Variants in EML2 observed in about 807,000 individuals in gnomAD.
EML2 encodes echinoderm microtubule-associated protein-like 2.
In EML2, 59 loss-of-function variants were observed where a neutral mutation model predicts 84.7. The observed-to-expected ratio is 0.70, with a 90% CI of 0.56 to 0.86. The LOEUF is 0.86. Among genes scored for constraint, EML2 ranks in the 40% least tolerant of loss-of-function variants. The probability of loss-of-function intolerance (pLI) is 0.00; values close to 1 mark genes in which losing one functional copy is unlikely to be tolerated. For synonymous variants in EML2, 352 were observed against 348.9 expected (o/e 1.01, Z -0.10); for missense variants, 818 against 855.6 (o/e 0.96, Z 0.55).
intron 9 of EML2, 133 bp downstream of exon 9, chr19:45,624,586 A>G: frequency 4.5e-6 from 3 of 668,074 alleles, no homozygotes; most frequent in South Asian, 3.8e-5. Context: ...CTTGAGCTGA[A>G]CCTTGACGAG....
intron 3 of EML2, among the ~76,000 whole-genome samples, chr19:45,635,772 A>G (rs951245915): frequency 1.3e-5 from 2 of 150,310 alleles, no homozygotes; most frequent in Admixed American, 6.6e-5. Flanking sequence ...TTGTATTTTT[A>G]GTAGAGAAAG....
rs567066656 is a variant in EML2, at chr19:45,639,380, G to A, written c.-4C>T. The A allele has an allele frequency of 2.4e-6, 3 of 1,262,698 alleles. No individual in the cohort carries two copies. Among genetic ancestry groups the A allele is most frequent in the Non-Finnish European group, 3.0e-6 (3 of 996,060 alleles). The allele number at this position is 1,262,698 out of a possible 1,614,324, so 78.2% of individuals were successfully genotyped here. On this transcript the variant is annotated 5_prime_UTR_variant, in exon 1 of 19. Transcript: ENST00000245925. ...ACCCAGCTCCAAAGCTACTCATGGC[G>A]GCGGGTGGCGGAGCTTCGGGGCCGG...
chr19:45,639,854 C>T (rs1267217434), upstream of EML2, among the ~76,000 whole-genome samples: 1 of 152,024 alleles, frequency 6.6e-6, no homozygotes. Flanking sequence ...CTTAGCCTGG[C>T]GTGGTGGCTG....
chr19:45,632,175 G>C (rs915881162), intron 6 of EML2, among the ~76,000 whole-genome samples: 5 of 138,098 alleles, frequency 3.6e-5, no homozygotes, highest in African/African-American at 1.4e-4. Flanking sequence ...TTACAGGCGT[G>C]AGCCACTGCA....
Position 45,621,558 on chromosome 19 carries a change from C to T in EML2, c.921G>A (p.Thr307=), listed in dbSNP as rs140309012. 3.5e-5 allele frequency: 56 copies of T among 1,612,852 alleles called. No individual in the cohort carries two copies. Among genetic ancestry groups the T allele is most frequent in the Non-Finnish European group, 4.3e-5 (51 of 1,179,950 alleles). ...GATCACGGCCCCCTCCAGACACCAG[C>T]GTCCCGTCCCGCAGGGCGCAGAGCC... ...VFGLCALRDG[T]LVSGGGRDRR... Residue 307 remains threonine (T), a synonymous_variant, in exon 10 of 19, where the codon ACG becomes ACA. Transcript: ENST00000245925.
chr19:45,621,453 C>A (rs532912167), intron 10 of EML2, 30 bp downstream of exon 10: 2 of 1,600,692 alleles, frequency 1.2e-6, no homozygotes, highest in South Asian at 2.2e-5. Flanking sequence ...GGCCTCTCTA[C>A]CCCCATCTGA....
At position 45,616,758 on chromosome 19, in the gene EML2, C is replaced by G. The variant is rs540793608; in HGVS notation, c.1411+7G>C. The G allele has an allele frequency of 1.6e-5, 26 of 1,611,614 alleles. No individual in the cohort carries two copies. The South Asian group carries it at 2.8e-4, about 17-fold the overall frequency. ...TGCCGCTTGGGTGTCCCAGGCCTGC[C>G]GCTTACCTGGGGAGAAGCTGACCAC... On this transcript the variant is annotated splice_region_variant and intron_variant, in intron 14 of 18. Transcript: ENST00000245925.
At chr19:45,621,690 C>T (rs1406933928) in intron 9 of EML2, 53 bp from the exon 10 acceptor site, 2 of 1,556,748 alleles carry the variant, frequency 1.3e-6, no homozygotes, top group South Asian at 2.3e-5. Flanking sequence ...CCTATGCTGA[C>T]CCCTGAAAGC....
chr19:45,618,516 C>A (rs1971337949), intron 12 of EML2, among the ~76,000 whole-genome samples: 1 of 152,120 alleles, frequency 6.6e-6, no homozygotes, highest in Non-Finnish European at 1.5e-5. Context: ...TGACTCCCCC[C>A]TCCTCATGGC....
At chr19:45,615,154 T>G (rs920581444) in intron 16 of EML2, 1 of 159,794 alleles carries the variant, frequency 6.3e-6, no homozygotes, top group Non-Finnish European at 1.4e-5. Context: ...CTGGTCAACA[T>G]GGCGAAACCC....
rs1972391827 is a variant in EML2, at chr19:45,626,813, G to A, written c.633C>T (p.Ala211=). ...CAGTGGGGTCCGTGGGGTGGAAGGT[G>A]GCCACCAATACAGCCTCATTGGAGC... ...VKCSNEAVLV[A]TFHPTDPTVL... Residue 211 remains alanine, a synonymous_variant, in exon 8 of 19, where the codon GCC becomes GCT. Coordinates refer to ENST00000245925, the MANE Select transcript of EML2 (RefSeq NM_012155.4). 3 of 1,613,760 alleles carry A rather than the reference G, an allele frequency of 1.9e-6. No individual in the cohort carries two copies. Among genetic ancestry groups the A allele is most frequent in the Non-Finnish European group, 2.5e-6 (3 of 1,179,896 alleles).
At chr19:45,620,907 G>A (rs1300378414) in intron 11 of EML2, 1 of 482,862 alleles carries the variant, frequency 2.1e-6, no homozygotes, top group Non-Finnish European at 4.0e-6. Context: ...TGTGTGGCCA[G>A]GGTGTCTGCA....
intron 13 of EML2, among the ~76,000 whole-genome samples, 166 bp from the exon 14 acceptor site, chr19:45,617,019 G>C (rs1441793713): frequency 6.6e-6 from 1 of 152,184 alleles, no homozygotes; most frequent in Non-Finnish European, 1.5e-5. Flanking sequence ...GCCGAGGCGG[G>C]TGGATCACTT....
Position 45,630,145 on chromosome 19 carries a change from A to T in EML2, c.511-99T>A, listed in dbSNP as rs902127564. The T allele has an allele frequency of 3.5e-6, 3 of 856,324 alleles. 1 individual carries two copies. The South Asian group carries it at 4.3e-5, about 12-fold the overall frequency. The allele number at this position is 856,324 out of a possible 1,614,324, so 53.0% of individuals were successfully genotyped here. ...GCATTCACCACACAGGCCTGTTTTAAAACCTTCAGGCTGGGCACAGTAGGT... is the reference window on the plus strand; with the variant it reads ...GCATTCACCACACAGGCCTGTTTTATAACCTTCAGGCTGGGCACAGTAGGT... On this transcript the variant is annotated intron_variant, in intron 6 of 18. Transcript: ENST00000245925.
chr19:45,630,121 C>T, intron 6 of EML2, 75 bp from the exon 7 acceptor site: 2 of 1,056,000 alleles, frequency 1.9e-6, no homozygotes, highest in South Asian at 1.3e-5. Flanking sequence ...CCCACCAAGG[C>T]ATTCACCACA....
At chr19:45,645,558 A>C, upstream of EML2, 9 of 989,058 alleles carry the variant, frequency 9.1e-6, no homozygotes, top group Non-Finnish European at 1.3e-5. Context: ...CCCCCAACAC[A>C]ATCCTAGGGC....
chr19:45,621,403 A>G, intron 10 of EML2, 71 bp from the exon 11 acceptor site: 1 of 1,572,560 alleles, frequency 6.4e-7, no homozygotes, highest in Non-Finnish European at 8.6e-7. Context: ...TACTGTGGGG[A>G]GGAGGGTCTG....
chr19:45,645,617 A>G (rs1478552095), upstream of EML2: 5 of 586,656 alleles, frequency 8.5e-6, no homozygotes, highest in Non-Finnish European at 1.4e-5. Flanking sequence ...GGTCCCGCCC[A>G]CAACCGGAGT....
rs749240177 is a variant in EML2, at chr19:45,626,732, G to A, written c.714C>T (p.Ser238=). The A allele has an allele frequency of 4.3e-6, 7 of 1,613,714 alleles. No homozygotes were observed. Among genetic ancestry groups the A allele is most frequent in the Non-Finnish European group, 5.1e-6 (6 of 1,179,878 alleles). The change falls in exon 8 of 19, where the codon AGC becomes AGT. Residue 238 remains serine, a synonymous_variant. Coordinates refer to ENST00000245925, the MANE Select transcript of EML2 (RefSeq NM_012155.4). ...CAAAGAGGCCTTGCCGCTTGCTCAAGCTGCCCCCCTCCAAGGTCCAGAAGT... is the reference window on the plus strand; with the variant it reads ...CAAAGAGGCCTTGCCGCTTGCTCAAACTGCCCCCCTCCAAGGTCCAGAAGT... The part of the protein sequence containing the change: ...HIYFWTLEGG[S]LSKRQGLFEK...
Sources: allele counts gnomAD v4.1 joint callset (sites outside exome capture counted in the v4.1 genomes callset), GRCh38; gene constraint gnomAD v4.1.1; transcripts MANE v1.5; gene names NCBI Gene and HGNC (gene_info 2026-07-23, HGNC 2026-07-21).